RAPGEF4: variants seen among roughly 807,000 people sequenced by gnomAD.
RAPGEF4 encodes RAP guanine-nucleotide-exchange factor (GEF) 4.
Under a neutral mutation model 147.9 loss-of-function variants are expected in RAPGEF4, and 66 were observed. The ratio of observed to expected loss-of-function variants is 0.45; its 90% CI spans 0.37 to 0.55. The LOEUF (loss-of-function observed/expected upper bound fraction) is 0.55. Ranked by LOEUF, RAPGEF4 falls within the 20% of genes least tolerant of loss-of-function variation. The pLI, the probability that RAPGEF4 is intolerant of heterozygous loss-of-function variation, is 0.00. For synonymous variants in RAPGEF4, 419 were observed against 442.7 expected (o/e 0.95, Z 0.67); for missense variants, 1,071 against 1,257.3 (o/e 0.85, Z 2.24).
chr2:172,813,522 T>C (rs915066082), intron 3 of RAPGEF4, among the ~76,000 whole-genome samples: 9 of 152,218 alleles, frequency 5.9e-5, no homozygotes, highest in Non-Finnish European at 1.3e-4. Flanking sequence ...ACAAAAATCT[T>C]GTAAACTTAT....
intron 8 of RAPGEF4, 138 bp from the exon 9 acceptor site, chr2:172,965,424 G>C (rs929552056): frequency 2.1e-6 from 2 of 957,908 alleles, no homozygotes; most frequent in African/African-American, 3.3e-5. Context: ...TACCGCGTGT[G>C]GTGCTTTGTT....
At chr2:172,803,353 C>G (rs1219553442) in intron 3 of RAPGEF4, among the ~76,000 whole-genome samples, 1 of 152,216 alleles carries the variant, frequency 6.6e-6, no homozygotes, top group Non-Finnish European at 1.5e-5. Flanking sequence ...TCTGCAGGCT[C>G]AACACCACAT....
intron 6 of RAPGEF4, among the ~76,000 whole-genome samples, chr2:172,958,102 C>T (rs1688925848): frequency 6.6e-6 from 1 of 152,176 alleles, no homozygotes; most frequent in Non-Finnish European, 1.5e-5. Flanking sequence ...ATCTTCTTGA[C>T]CTTGGTTCTG....
At position 172,877,165 on chromosome 2, in the gene RAPGEF4, C is replaced by T. The variant is rs902909626; in HGVS notation, c.445-40637C>T. Among the ~76,000 whole-genome samples, 4 of 152,116 alleles carry T rather than the reference C, an allele frequency of 2.6e-5. No individual in the cohort carries two copies. In the East Asian group the frequency reaches 7.7e-4, roughly 29 times the overall value. On this transcript the variant is annotated intron_variant, in intron 4 of 30. Transcript: ENST00000397081. ...TAAAGAAAATGGGGCATATATACACCATGGAATACTATGCAGGCATAAAAA... is the reference window on the plus strand; with the variant it reads ...TAAAGAAAATGGGGCATATATACACTATGGAATACTATGCAGGCATAAAAA...
In RAPGEF4 at chr2:173,042,799, A is replaced by G. The variant is rs557101789; in HGVS notation, c.2854-5801A>G. Among the ~76,000 whole-genome samples the G allele has an allele frequency of 1.1e-3, 172 of 152,294 alleles. 2 individuals are homozygous for G. Among genetic ancestry groups the G allele is most frequent in the Non-Finnish European group, 1.4e-3 (92 of 68,012 alleles). ...CTCCAGTGTCCCTCCCTGAGTACAT[A>G]GAGGTATACATGCTCTACACGTGCC... On this transcript the variant is annotated intron_variant, in intron 29 of 30. Coordinates refer to ENST00000397081, the MANE Select transcript of RAPGEF4 (RefSeq NM_007023.4). The surrounding 1 kb of genome is among the most constrained non-coding windows in gnomAD (Gnocchi z 4.2).
intron 6 of RAPGEF4, among the ~76,000 whole-genome samples, chr2:172,949,405 G>A (rs995931101): frequency 6.6e-6 from 1 of 152,140 alleles, no homozygotes; most frequent in South Asian, 2.1e-4. Context: ...TCCTGAGGGT[G>A]CACTCAGGAT....
chr2:172,747,431 A>G (rs949774324), intron 1 of RAPGEF4, among the ~76,000 whole-genome samples: 7 of 152,210 alleles, frequency 4.6e-5, no homozygotes, highest in African/African-American at 1.4e-4. Flanking sequence ...ATTGTTGTAT[A>G]TTAGATCTCC....
chr2:172,787,646 G>A (rs1685351545), intron 1 of RAPGEF4, among the ~76,000 whole-genome samples: 1 of 114,504 alleles, frequency 8.7e-6, no homozygotes, highest in African/African-American at 3.0e-5. Flanking sequence ...TTGAGACAGG[G>A]CTTCACTTTG....
At chr2:172,825,950 C>A (rs1043350162) in intron 4 of RAPGEF4, among the ~76,000 whole-genome samples, 1 of 152,158 alleles carries the variant, frequency 6.6e-6, no homozygotes, top group African/African-American at 2.4e-5. Context: ...AATATTCTTA[C>A]AAATCCATAT....
At chr2:172,918,081 G>A (rs1684276845) in intron 5 of RAPGEF4, 3 of 716,566 alleles carry the variant, frequency 4.2e-6, no homozygotes, top group Non-Finnish European at 7.6e-6. Flanking sequence ...GATAGAGAGA[G>A]GTATGCTCTG....
At chr2:173,023,799 G>A (rs1575545739) in intron 23 of RAPGEF4, among the ~76,000 whole-genome samples, 1 of 152,164 alleles carries the variant, frequency 6.6e-6, no homozygotes, top group Non-Finnish European at 1.5e-5. Flanking sequence ...GGTGTACTGG[G>A]TATCTCCAAT....
chr2:172,931,980 C>T (rs1361711535), intron 6 of RAPGEF4, among the ~76,000 whole-genome samples: 1 of 148,504 alleles, frequency 6.7e-6, no homozygotes, highest in Non-Finnish European at 1.5e-5. Flanking sequence ...GACTCCCATG[C>T]GCCCCCCACC....
intron 1 of RAPGEF4, among the ~76,000 whole-genome samples, chr2:172,753,258 G>GA (rs199674683): frequency 0.011 from 1,712 of 152,130 alleles, 16 homozygotes; most frequent in South Asian, 0.036. Context: ...CACCTTTAGG[G>GA]AAATAGTGTA....
At chr2:172,821,869 G>C in intron 4 of RAPGEF4, 3 of 1,587,468 alleles carry the variant, frequency 1.9e-6, no homozygotes, top group Non-Finnish European at 2.6e-6. Flanking sequence ...CACGAACAGG[G>C]AATGAACGGC....
At chr2:172,769,007 C>A (rs955160343) in intron 1 of RAPGEF4, among the ~76,000 whole-genome samples, 1 of 152,142 alleles carries the variant, frequency 6.6e-6, no homozygotes, top group African/African-American at 2.4e-5. Flanking sequence ...GGGGCAAGGA[C>A]GTGGGATCAC....
At chr2:173,014,661 A>G (rs1415354586) in intron 18 of RAPGEF4, 47 bp downstream of exon 18, 3 of 1,570,394 alleles carry the variant, frequency 1.9e-6, no homozygotes, top group Non-Finnish European at 1.7e-6. Context: ...GTCCTGCAAT[A>G]CAGGGACCTA....
At chr2:172,805,123 G>A (rs1317578507) in intron 3 of RAPGEF4, among the ~76,000 whole-genome samples, 3 of 152,132 alleles carry the variant, frequency 2.0e-5, no homozygotes, top group Non-Finnish European at 4.4e-5. Flanking sequence ...TTCCAGGCAG[G>A]CCCCAGGACC....
chr2:172,810,330 A>G (rs1687904794), intron 3 of RAPGEF4, among the ~76,000 whole-genome samples: 1 of 152,238 alleles, frequency 6.6e-6, no homozygotes, highest in Admixed American at 6.5e-5. Context: ...GTCAGGCACT[A>G]TGCAAAGCAG....
At chr2:172,754,000 G>A (rs1695540915) in intron 1 of RAPGEF4, among the ~76,000 whole-genome samples, 1 of 152,142 alleles carries the variant, frequency 6.6e-6, no homozygotes, top group Admixed American at 6.6e-5. Flanking sequence ...GAGGAAAGTG[G>A]CAGGAGCTTG....
Sources: gnomAD v4.1 joint callset for allele counts (sites outside exome capture counted in the v4.1 genomes callset) on GRCh38, gnomAD v4.1.1 for gene constraint, Gnocchi (gnomAD v3.1) non-coding constraint, MANE v1.5 for transcripts, NCBI Gene and HGNC (gene_info 2026-07-23, HGNC 2026-07-21) for gene names.